C5orf22: variants seen among roughly 807,000 people sequenced by gnomAD.
The protein encoded by C5orf22 is chromosome 5 open reading frame 22, also known as UPF0489 protein C5orf22.
A neutral mutation model predicts 48.7 loss-of-function variants in C5orf22; 36 were observed. That is an observed-to-expected ratio of 0.74 (90% CI 0.57 to 0.98). C5orf22 has a LOEUF of 0.98. Ranked by LOEUF, C5orf22 falls within the 50% of genes least tolerant of loss-of-function variation. The pLI is 0.00. For synonymous variants in C5orf22, 141 were observed against 180.8 expected, an observed-to-expected ratio of 0.78 and a Z score of 1.76; for missense variants, 486 against 521.9, an observed-to-expected ratio of 0.93 and a Z score of 0.67.
intron 6 of C5orf22, 29 bp from the exon 7 acceptor site, chr5:31,545,617 T>C: frequency 6.4e-7 from 1 of 1,556,670 alleles, no homozygotes; most frequent in South Asian, 1.1e-5. Context: ...GGTTGTGATG[T>C]TTAATTGAGT....
intron 6 of C5orf22, among the ~76,000 whole-genome samples, chr5:31,543,329 A>G (rs1278452708): frequency 6.6e-6 from 1 of 152,180 alleles, no homozygotes; most frequent in African/African-American, 2.4e-5. Context: ...GCACTTTGGG[A>G]GGCCAAGGTG....
chr5:31,551,098 A>G (rs1743229816), intron 7 of C5orf22, among the ~76,000 whole-genome samples, 195 bp from the exon 8 acceptor site: 1 of 152,206 alleles, frequency 6.6e-6, no homozygotes, highest in Non-Finnish European at 1.5e-5. Context: ...AAAGTTTTTC[A>G]TATTTAAGGT....
Position 31,550,639 on chromosome 5 carries a change from C to T in C5orf22, c.1060-654C>T, listed in dbSNP as rs35567910. On this transcript the variant is annotated intron_variant, in intron 7 of 8. Transcript: ENST00000325366. ...GGAGTGCAATGGCACGATCTTGGCT[C>T]ACTGTAACCTCTGCCTCCCGTGTTC... 5.4e-3 allele frequency among the ~76,000 whole-genome samples: 819 copies of T among 152,156 alleles called. 3 individuals carry two copies. Among genetic ancestry groups the T allele is most frequent in the Admixed American group, 0.01 (157 of 15,294 alleles).
intron 5 of C5orf22, 57 bp from the exon 6 acceptor site, chr5:31,541,224 G>A: frequency 6.4e-7 from 1 of 1,561,868 alleles, no homozygotes; most frequent in Non-Finnish European, 8.7e-7. Context: ...GTAATGGGAT[G>A]TTGCTTGTTT....
intron 1 of C5orf22, among the ~76,000 whole-genome samples, chr5:31,532,696 G>T (rs934815310): frequency 6.6e-6 from 1 of 152,002 alleles, no homozygotes; most frequent in African/African-American, 2.4e-5. Context: ...TATTTACCTC[G>T]GTTTGCCCCC....
At chr5:31,538,747 T>C in intron 4 of C5orf22, 58 bp downstream of exon 4, 1 of 1,328,332 alleles carries the variant, frequency 7.5e-7, no homozygotes, top group Non-Finnish European at 1.0e-6. Context: ...TTTCTCTAGA[T>C]GAGGAACCAG....
intron 4 of C5orf22, among the ~76,000 whole-genome samples, chr5:31,540,557 AT>A (rs1312136083): frequency 2.0e-5 from 3 of 152,136 alleles, no homozygotes; most frequent in African/African-American, 7.2e-5. Context: ...AAAGATATGT[AT>A]ATTTCCTGTA....
At chr5:31,548,986 G>A (rs576665484) in intron 7 of C5orf22, among the ~76,000 whole-genome samples, 5 of 152,160 alleles carry the variant, frequency 3.3e-5, no homozygotes, top group South Asian at 2.1e-4. Context: ...TTGGGAGGCC[G>A]AAGCGAGCAG....
chr5:31,538,339 C>G lies in C5orf22; in HGVS notation c.457C>G (p.Gln153Glu). 6.2e-7 allele frequency: 1 copy of G among 1,613,994 alleles called. No homozygotes were observed. Among genetic ancestry groups the G allele is most frequent in the Non-Finnish European group, 8.5e-7 (1 of 1,179,918 alleles). ...CCAGCTAGAGAACCAAAAACCTTTA[C>G]AATTGGATGTAATTATGGTAAAACC... ...EDQLENQKPL[Q>E]LDVIMVKPYK... The change falls in exon 4 of 9, where the codon CAA becomes GAA. Residue 153 changes from glutamine (Q) to glutamate (E), a missense_variant. Coordinates refer to ENST00000325366, the MANE Select transcript of C5orf22 (RefSeq NM_018356.3).
intron 7 of C5orf22, among the ~76,000 whole-genome samples, chr5:31,546,442 CTG>C (rs1364055058): frequency 1.3e-5 from 2 of 152,244 alleles, no homozygotes; most frequent in East Asian, 3.9e-4. Context: ...AGTCAGACCA[CTG>C]TGTTTGACTA....
At position 31,532,360 on chromosome 5, in the gene C5orf22, C is replaced by T. The variant is rs373126391; in HGVS notation, c.-33C>T. ...TTTCCCGGGTCTTCTCCAGCTGCCACCGCTTTACTGCAAAACTGACGGGCG... is the reference window on the plus strand; with the variant it reads ...TTTCCCGGGTCTTCTCCAGCTGCCATCGCTTTACTGCAAAACTGACGGGCG... On this transcript the variant is annotated 5_prime_UTR_variant, in exon 1 of 9. Coordinates refer to ENST00000325366, the MANE Select transcript of C5orf22 (RefSeq NM_018356.3). 14 of 1,612,344 alleles carry T rather than the reference C, an allele frequency of 8.7e-6. No homozygotes were observed. Among genetic ancestry groups the T allele is most frequent in the South Asian group, 2.2e-5 (2 of 91,036 alleles).
At chr5:31,544,538 C>G (rs550059071) in intron 6 of C5orf22, among the ~76,000 whole-genome samples, 1 of 151,278 alleles carries the variant, frequency 6.6e-6, no homozygotes, top group East Asian at 1.9e-4. Flanking sequence ...GAGCCGAGAT[C>G]GTGCCACTGC....
At chr5:31,551,460 A>T (rs1445887542) in intron 8 of C5orf22, 28 bp downstream of exon 8, 1 of 1,559,070 alleles carries the variant, frequency 6.4e-7, no homozygotes. Flanking sequence ...AATAATGGCA[A>T]ATCAGAGATG....
chr5:31,546,231 A>G (rs548301527), intron 7 of C5orf22, among the ~76,000 whole-genome samples: 6 of 152,314 alleles, frequency 3.9e-5, no homozygotes, highest in Non-Finnish European at 5.9e-5. Context: ...ATTTATTTGT[A>G]TATCATTTTG....
At position 31,532,397 on chromosome 5, in the gene C5orf22, G is replaced by C. The variant is rs1419087521; in HGVS notation, c.5G>C (p.Ser2Thr). The C allele has an allele frequency of 1.9e-6, 3 of 1,613,884 alleles. No homozygotes were observed. In the African/African-American group the frequency reaches 4.0e-5, roughly 22 times the overall value. ...AAAACTGACGGGCGCAAAAACATGA[G>C]TGACTCCGCGGGAGGGCGCGCTGGT... M[S>T]DSAGGRAGLR... Residue 2 changes from serine (S) to threonine (T), a missense_variant, in exon 1 of 9, where the codon AGT becomes ACT. Transcript: ENST00000325366.
rs145324653 is a variant in C5orf22, at chr5:31,538,509, G to A, written c.627G>A (p.Gln209=). Residue 209 remains glutamine (Q), a synonymous_variant, in exon 4 of 9, where the codon CAG becomes CAA. Transcript: ENST00000325366. ...GACTGGAAAAGGACACAGCAACACA[G>A]AGAAGTGACCAGACTTGCCTAGAAC... ...SEGLEKDTAT[Q]RSDQTCLEPS... 3.2e-4 allele frequency: 524 copies of A among 1,614,190 alleles called. 3 individuals carry two copies. The Middle Eastern group carries it at 7.1e-3, about 22-fold the overall frequency.
At chr5:31,539,466 G>A (rs898358101) in intron 4 of C5orf22, among the ~76,000 whole-genome samples, 1 of 152,100 alleles carries the variant, frequency 6.6e-6, no homozygotes, top group African/African-American at 2.4e-5. Context: ...TATAAATCCT[G>A]TGTAACAGAT....
At position 31,532,360 on chromosome 5, in the gene C5orf22, C is replaced by G. The variant is rs373126391; in HGVS notation, c.-33C>G. The G allele has an allele frequency of 2.5e-6, 4 of 1,612,226 alleles. No homozygotes were observed. In the African/African-American group the frequency reaches 5.3e-5, roughly 22 times the overall value. On this transcript the variant is annotated 5_prime_UTR_variant, in exon 1 of 9. Coordinates refer to ENST00000325366, the MANE Select transcript of C5orf22 (RefSeq NM_018356.3). ...TTTCCCGGGTCTTCTCCAGCTGCCACCGCTTTACTGCAAAACTGACGGGCG... is the reference window on the plus strand; with the variant it reads ...TTTCCCGGGTCTTCTCCAGCTGCCAGCGCTTTACTGCAAAACTGACGGGCG...
chr5:31,545,769 T>C (rs1330099462), intron 7 of C5orf22, 57 bp downstream of exon 7: 7 of 1,134,906 alleles, frequency 6.2e-6, no homozygotes, highest in Non-Finnish European at 9.0e-6. Flanking sequence ...ATTTTCTGGG[T>C]AGAAGAATTT....
Sources: gnomAD v4.1 joint callset for allele counts (sites outside exome capture counted in the v4.1 genomes callset) on GRCh38, gnomAD v4.1.1 for gene constraint, MANE v1.5 for transcripts, NCBI Gene and HGNC (gene_info 2026-07-23, HGNC 2026-07-21) for gene names.